The following LDLRAD1 variants were observed in gnomAD, a reference collection of about 807,000 sequenced individuals.
LDLRAD1 encodes the protein low density lipoprotein receptor class A domain containing 1.
In LDLRAD1, 17 loss-of-function variants were observed where a neutral mutation model predicts 24.8. The ratio of observed to expected loss-of-function variants is 0.69; its 90% CI spans 0.47 to 1.03. The LOEUF (loss-of-function observed/expected upper bound fraction) is 1.03, where lower values mean the gene tolerates loss of function less well. Ranked by LOEUF, LDLRAD1 falls within the 50% of genes least tolerant of loss-of-function variation. The pLI is 0.00. For synonymous variants in LDLRAD1, 103 were observed against 108.2 expected (o/e 0.95, Z 0.30); for missense variants, 277 against 271.0 (o/e 1.02, Z -0.16).
Position 54,008,792 on chromosome 1 carries a change from C to T in LDLRAD1, c.*190G>A, listed in dbSNP as rs1057178098. On this transcript the variant is annotated 3_prime_UTR_variant, in exon 6 of 6. Transcript: ENST00000371360. Reference sequence around the variant, plus strand: ...AGCCACCTAACATGGTAATGAGCTCCTGGTCATTGGAAGCATTCAAGCAGA... The same window carrying T: ...AGCCACCTAACATGGTAATGAGCTCTTGGTCATTGGAAGCATTCAAGCAGA... 1 of 563,524 alleles carries T rather than the reference C, an allele frequency of 1.8e-6. No individual in the cohort carries two copies. Among genetic ancestry groups the T allele is most frequent in the South Asian group, 2.5e-5 (1 of 39,648 alleles). The allele number at this position is 563,524 out of a possible 1,614,324, so 34.9% of individuals were successfully genotyped here.
chr1:54,018,119 G>A lies in LDLRAD1; in HGVS notation c.-7C>T, dbSNP rs116802374. 5.0e-6 allele frequency: 8 copies of A among 1,613,498 alleles called. No individual in the cohort carries two copies. The Admixed American group carries it at 5.0e-5, about 10-fold the overall frequency. On this transcript the variant is annotated 5_prime_UTR_variant, in exon 1 of 6. It introduces an in-frame stop codon into an upstream open reading frame of the 5' UTR. Coordinates refer to ENST00000371360, the MANE Select transcript of LDLRAD1 (RefSeq NM_001010978.4). ...GGGGGAAGACCTTGTTCATGTCTTCGGTTTCCTGCTGCCCGACTGGGGCTG... is the reference window on the plus strand; with the variant it reads ...GGGGGAAGACCTTGTTCATGTCTTCAGTTTCCTGCTGCCCGACTGGGGCTG...
chr1:54,009,143 G>A lies in LDLRAD1; in HGVS notation c.470-13C>T. 1 of 1,612,954 alleles carries A rather than the reference G, an allele frequency of 6.2e-7. No individual in the cohort carries two copies. Among genetic ancestry groups the A allele is most frequent in the East Asian group, 2.2e-5 (1 of 44,872 alleles). ...GGGCACACAGTTACTGCAGAGACAA[G>A]AGCCAGCAGGAGAGCAGTTGCTGTG... On this transcript the variant is annotated splice_polypyrimidine_tract_variant and intron_variant, in intron 5 of 5. Coordinates refer to ENST00000371360, the MANE Select transcript of LDLRAD1 (RefSeq NM_001010978.4).
rs1656007006 is a variant in LDLRAD1 at position 54,010,512 on chromosome 1, G to A, written c.341-102C>T. On this transcript the variant is annotated intron_variant, in intron 4 of 5. Transcript: ENST00000371360. ...ACCACCCTGGCAGTGGCCAAACTCA[G>A]GATCAGTGCCCATCCAGCCCAGAAG... is the stretch of plus-strand genomic sequence containing the variant. 6 of 1,206,896 alleles carry A rather than the reference G, an allele frequency of 5.0e-6. No homozygotes were observed. The Admixed American group carries it at 1.2e-4, about 24-fold the overall frequency. 74.8% of individuals were successfully genotyped at this position (1,206,896 alleles called of 1,614,324 possible). A position where few individuals can be genotyped will look rare whatever the true frequency, so the allele number is the denominator to read the frequency against.
intron 3 of LDLRAD1, among the ~76,000 whole-genome samples, chr1:54,013,174 A>G (rs1656135146): frequency 6.6e-6 from 1 of 152,088 alleles, no homozygotes; most frequent in Non-Finnish European, 1.5e-5. Flanking sequence ...GCACACTCAC[A>G]GATACACAGA....
Position 54,014,217 on chromosome 1 carries a change from C to T in LDLRAD1, c.202+19G>A, listed in dbSNP as rs1656191742. On this transcript the variant is annotated intron_variant, in intron 3 of 5. Transcript: ENST00000371360. ...CCCTCCCCGCCGGGTCTGACCCACC[C>T]TCTCTTGGCCGCCCTGACCTGGGGT... The T allele has an allele frequency of 6.4e-7, 1 of 1,571,852 alleles. No individual in the cohort carries two copies.
rs1204198064 is a variant in LDLRAD1 at position 54,008,987 on chromosome 1, G to C, written c.613C>G (p.Pro205Ala). The C allele has an allele frequency of 6.2e-7, 1 of 1,612,882 alleles. No individual in the cohort carries two copies. The highest frequency in any genetic ancestry group is 1.7e-5 in the Admixed American group (1 of 59,936). The change falls in exon 6 of 6, where the codon CCC (proline) becomes GCC (alanine). Residue 205 changes from proline to alanine, a missense_variant. Transcript: ENST00000371360. ...TGCTGGCCTGAGTGGCCCACTCAGGGTCCGGGACAGGCATACTCATCGGAC... is the reference window on the plus strand; with the variant it reads ...TGCTGGCCTGAGTGGCCCACTCAGGCTCCGGGACAGGCATACTCATCGGAC... Reference protein sequence around the residue: ...DWSDEYACPGP With the variant: ...DWSDEYACPGA
In LDLRAD1 at chr1:54,012,411, A is replaced by G. The variant is rs566378738; in HGVS notation, c.203-131T>C. The G allele has an allele frequency of 1.2e-4, 117 of 957,142 alleles. 3 individuals are homozygous for G. In the South Asian group the frequency reaches 1.7e-3, roughly 14 times the overall value. The allele number at this position is 957,142 out of a possible 1,614,324, so 59.3% of individuals were successfully genotyped here. On this transcript the variant is annotated intron_variant, in intron 3 of 5. Transcript: ENST00000371360. The stretch of plus-strand genomic sequence containing the variant: ...GGGGAGGATGGACCCAGCGCCATCA[A>G]TGGGGTTCAAGCCCCAGCTGTACCC...
At chr1:54,011,733 G>A (rs979687567) in intron 4 of LDLRAD1, among the ~76,000 whole-genome samples, 1 of 152,238 alleles carries the variant, frequency 6.6e-6, no homozygotes, top group Non-Finnish European at 1.5e-5. Context: ...CTGCCTCAGA[G>A]GAGTTCACAG....
Position 54,008,302 on chromosome 1 carries a change from C to T in LDLRAD1, c.*680G>A, listed in dbSNP as rs984042316. On this transcript the variant is annotated 3_prime_UTR_variant, in exon 6 of 6. Coordinates refer to ENST00000371360, the MANE Select transcript of LDLRAD1 (RefSeq NM_001010978.4). ...CTGGGGAAGATGCTAAAGTTGCATC[C>T]AAGCCCAGTATATCTGCCTTAGGTA... 1 of 152,154 alleles carries T rather than the reference C, an allele frequency of 6.6e-6. No individual in the cohort carries two copies. Among genetic ancestry groups the T allele is most frequent in the Non-Finnish European group, 1.5e-5 (1 of 68,040 alleles). 9.4% of individuals were successfully genotyped at this position (152,154 alleles called of 1,614,324 possible).
At chr1:54,015,013 A>G (rs912261629) in intron 2 of LDLRAD1, among the ~76,000 whole-genome samples, 1 of 152,166 alleles carries the variant, frequency 6.6e-6, no homozygotes, top group Non-Finnish European at 1.5e-5. Flanking sequence ...CATAATAGCT[A>G]CCTTAGACTT....
rs1175915811 is a variant in LDLRAD1 at position 54,009,748 on chromosome 1, T to A, written c.469+534A>T. On this transcript the variant is annotated intron_variant, in intron 5 of 5. Transcript: ENST00000371360. ...GAGCACCCCACCAATGCTCAGAACA[T>A]GTTTGTTGATTGACCACTGGGGAAG... is the stretch of plus-strand genomic sequence containing the variant. Among the ~76,000 whole-genome samples, 4 of 152,088 alleles carry A rather than the reference T, an allele frequency of 2.6e-5. No individual in the cohort carries two copies. The East Asian group carries it at 7.7e-4, about 29-fold the overall frequency.
At position 54,008,698 on chromosome 1, in the gene LDLRAD1, C is replaced by A; in HGVS notation, c.*284G>T. 1 of 334,284 alleles carries A rather than the reference C, an allele frequency of 3.0e-6. No homozygotes were observed. The highest frequency in any genetic ancestry group is 5.6e-6 in the Non-Finnish European group (1 of 177,142). The allele number at this position is 334,284 out of a possible 1,614,324, so 20.7% of individuals were successfully genotyped here. On this transcript the variant is annotated 3_prime_UTR_variant, in exon 6 of 6. Transcript: ENST00000371360. ...CCTAGTAGCTGGGACTATAGGTGTG[C>A]ACCGCCATGCCTGGCTAATTTTTGT...
At chr1:54,011,377 C>T (rs908614902) in intron 4 of LDLRAD1, among the ~76,000 whole-genome samples, 2 of 152,144 alleles carry the variant, frequency 1.3e-5, no homozygotes, top group Non-Finnish European at 2.9e-5. Flanking sequence ...CCAATCCTTG[C>T]ATCCCCTGGG....
At chr1:54,015,346 T>C (rs1448965439) in intron 2 of LDLRAD1, among the ~76,000 whole-genome samples, 1 of 152,212 alleles carries the variant, frequency 6.6e-6, no homozygotes, top group Non-Finnish European at 1.5e-5. Context: ...ATAGGGGACG[T>C]CCCTGCTCTT....
At chr1:54,015,488 G>A (rs1193288210) in intron 2 of LDLRAD1, among the ~76,000 whole-genome samples, 2 of 152,144 alleles carry the variant, frequency 1.3e-5, no homozygotes, top group Non-Finnish European at 2.9e-5. Flanking sequence ...GCTTGTTATT[G>A]CACTTAGAAG....
At chr1:54,017,565 A>C (rs1277463793) in intron 1 of LDLRAD1, 138 bp from the exon 2 acceptor site, 12 of 707,890 alleles carry the variant, frequency 1.7e-5, no homozygotes, top group Non-Finnish European at 2.3e-5. Flanking sequence ...CCAGCATCTC[A>C]CGCCCCAGAT....
intron 4 of LDLRAD1, 42 bp downstream of exon 4, chr1:54,012,101 T>TG (rs760754346): frequency 2.5e-6 from 4 of 1,608,418 alleles, no homozygotes; most frequent in Non-Finnish European, 3.4e-6. Flanking sequence ...CATCGGAGTG[T>TG]GGGGGAACCC....
intron 4 of LDLRAD1, 150 bp downstream of exon 4, chr1:54,011,993 G>A: frequency 1.2e-6 from 1 of 851,376 alleles, no homozygotes; most frequent in Non-Finnish European, 1.8e-6. Flanking sequence ...TCCCTGACTG[G>A]GACCAGGTCG....
chr1:54,010,222 T>C, intron 5 of LDLRAD1, 60 bp downstream of exon 5: 4 of 1,599,818 alleles, frequency 2.5e-6, no homozygotes, highest in Non-Finnish European at 3.4e-6. Context: ...CTGCTCACCC[T>C]TTGCCCTCTG....
Sources: gnomAD v4.1 joint callset for allele counts (sites outside exome capture counted in the v4.1 genomes callset) on GRCh38, gnomAD v4.1.1 for gene constraint, MANE v1.5 for transcripts, NCBI Gene and HGNC (gene_info 2026-07-23, HGNC 2026-07-21) for gene names.